CLCN5: variants seen among roughly 807,000 people sequenced by gnomAD.
CLCN5 encodes Cl-/H+ antiporter 5.
Under a neutral mutation model 54.0 loss-of-function variants are expected in CLCN5, and 17 were observed. The ratio of observed to expected loss-of-function variants is 0.31; its 90% CI spans 0.22 to 0.47. The LOEUF is 0.47. Among genes scored for constraint, CLCN5 ranks in the 20% least tolerant of loss-of-function variants. CLCN5 has a pLI of 1.00. For synonymous variants in CLCN5, 222 were observed against 233.0 expected, an observed-to-expected ratio of 0.95 and a Z score of 0.43; for missense variants, 448 against 646.7, an observed-to-expected ratio of 0.69 and a Z score of 3.33.
chrX:50,079,940 A>G (rs1046565432), intron 7 of CLCN5, among the ~76,000 whole-genome samples: 14 of 111,759 alleles, frequency 1.3e-4, no homozygotes, highest in African/African-American at 4.6e-4. Flanking sequence ...CTTACCACAC[A>G]TACAAAGAAA....
chrX:50,017,965 G>A (rs782369329), intron 3 of CLCN5, among the ~76,000 whole-genome samples: 1 of 111,393 alleles, frequency 9.0e-6, no homozygotes, highest in East Asian at 2.8e-4. Flanking sequence ...TGGGTCATTT[G>A]TCTCTCTGGC....
intron 3 of CLCN5, among the ~76,000 whole-genome samples, chrX:50,033,146 T>C (rs1435133451): frequency 1.6e-4 from 18 of 111,127 alleles, no homozygotes; most frequent in African/African-American, 5.9e-4. Flanking sequence ...CTATTCAACA[T>C]AGTGTTGGAA....
chrX:50,067,308 C>T (rs782722057), intron 4 of CLCN5, among the ~76,000 whole-genome samples: 1 of 111,318 alleles, frequency 9.0e-6, no homozygotes, highest in East Asian at 2.8e-4. Flanking sequence ...ATTTGCCTTT[C>T]TCCCTTTTAT....
chrX:50,057,168 G>A (rs1479828048), intron 4 of CLCN5, among the ~76,000 whole-genome samples: 4 of 110,224 alleles, frequency 3.6e-5, no homozygotes, highest in East Asian at 2.9e-4. Flanking sequence ...TATTCCAGCC[G>A]CTGGATCATG....
chrX:49,956,127 T>C (rs1194682669), intron 3 of CLCN5, among the ~76,000 whole-genome samples: 6 of 111,925 alleles, frequency 5.4e-5, no homozygotes, highest in Non-Finnish European at 1.9e-5. Flanking sequence ...TCCAGAAGGG[T>C]TCCACACTGG....
At chrX:49,986,334 A>G (rs1569538001) in intron 3 of CLCN5, among the ~76,000 whole-genome samples, 1 of 111,560 alleles carries the variant, frequency 9.0e-6, no homozygotes, top group Non-Finnish European at 1.9e-5. Context: ...AATCCTTGTT[A>G]TTCTTCCAGA....
At chrX:49,958,002 G>C (rs782337483) in intron 3 of CLCN5, among the ~76,000 whole-genome samples, 1 of 110,557 alleles carries the variant, frequency 9.0e-6, no homozygotes, top group East Asian at 2.9e-4. Context: ...AGAAAGAAAT[G>C]AGAGAGGCTC....
At chrX:50,068,086 A>G (rs1318504330) in intron 4 of CLCN5, 1 of 111,964 alleles carries the variant, frequency 8.9e-6, no homozygotes, top group Non-Finnish European at 1.9e-5. Context: ...CAGTTTCACA[A>G]AATCCTATTT....
intron 3 of CLCN5, among the ~76,000 whole-genome samples, chrX:49,996,569 C>T (rs1405215330): frequency 8.9e-6 from 1 of 112,485 alleles, no homozygotes; most frequent in African/African-American, 3.2e-5. Context: ...GACTTGTTAT[C>T]TTCTTTTAAA....
chrX:50,041,548 G>A (rs894969442), intron 3 of CLCN5, among the ~76,000 whole-genome samples: 6 of 110,420 alleles, frequency 5.4e-5, no homozygotes, highest in South Asian at 3.9e-4. Flanking sequence ...GTATTAAGAC[G>A]TCTGGGAGAG....
At chrX:50,006,776 G>A (rs781915560) in intron 3 of CLCN5, among the ~76,000 whole-genome samples, 67 of 111,273 alleles carry the variant, frequency 6.0e-4, no homozygotes, top group African/African-American at 2.1e-3. Context: ...CTTGTACATC[G>A]CCTACCTCTC....
At position 50,063,304 on chromosome X, in the gene CLCN5, C is replaced by T. The variant is rs1454980354; in HGVS notation, c.164-6575C>T. On this transcript the variant is annotated intron_variant, in intron 4 of 14. Transcript: ENST00000376091. The stretch of plus-strand genomic sequence containing the variant: ...AAAAGAGAGAAGAATCAAATAGACA[C>T]AATAAAAAATGATAAAGGGGATATC... 3.1e-5 allele frequency among the ~76,000 whole-genome samples: 3 copies of T among 96,805 alleles called. No individual in the cohort carries two copies. The Admixed American group carries it at 3.2e-4, about 10-fold the overall frequency. The allele number at this position is 96,805 out of a possible 115,157, so 84.1% of individuals were successfully genotyped here.
chrX:50,077,711 G>A (rs931621217), intron 7 of CLCN5, among the ~76,000 whole-genome samples: 12 of 98,379 alleles, frequency 1.2e-4, no homozygotes, highest in African/African-American at 4.1e-4. Context: ...GCCAGGCGCG[G>A]TGGCCTGTAA....
At chrX:50,006,389 G>A (rs928091189) in intron 3 of CLCN5, among the ~76,000 whole-genome samples, 4 of 111,932 alleles carry the variant, frequency 3.6e-5, no homozygotes, top group African/African-American at 1.3e-4. Flanking sequence ...CTCACAGATG[G>A]TATGTTATGC....
intron 4 of CLCN5, among the ~76,000 whole-genome samples, chrX:50,048,521 A>G (rs782240009): frequency 1.8e-5 from 2 of 112,790 alleles, no homozygotes; most frequent in African/African-American, 6.4e-5. Context: ...TTATATCAGT[A>G]TGGACTCATT....
intron 3 of CLCN5, among the ~76,000 whole-genome samples, chrX:49,993,064 T>C (rs781800930): frequency 4.5e-5 from 5 of 111,563 alleles, no homozygotes; most frequent in Non-Finnish European, 9.4e-5. Context: ...TCCTGTGAAC[T>C]TCTGGCATTA....
At chrX:49,944,447 T>G (rs1557171593) in intron 3 of CLCN5, among the ~76,000 whole-genome samples, 3 of 111,656 alleles carry the variant, frequency 2.7e-5, no homozygotes, top group Non-Finnish European at 5.6e-5. Context: ...CTATGTTGAA[T>G]AGGAGTGGTG....
rs1451157443 is a variant in CLCN5 at position 50,021,240 on chromosome X, G to A, written c.17-21076G>A. Among the ~76,000 whole-genome samples, 3 of 97,391 alleles carry A rather than the reference G, an allele frequency of 3.1e-5. 1 individual carries two copies. Among genetic ancestry groups the A allele is most frequent in the African/African-American group, 1.4e-4 (3 of 20,704 alleles). The allele number at this position is 97,391 out of a possible 115,157, so 84.6% of individuals were successfully genotyped here. ...CTATTTTATTCTCTTTGAAGCAATT[G>A]TGAATGGGAGTTCACCCATGATTTG... On this transcript the variant is annotated intron_variant, in intron 3 of 14. Coordinates refer to ENST00000376091, the MANE Select transcript of CLCN5 (RefSeq NM_001127898.4).
In CLCN5 at chrX:49,927,479, G is replaced by A. The variant is rs1031605317; in HGVS notation, c.16+2165G>A. 8.9e-5 allele frequency among the ~76,000 whole-genome samples: 10 copies of A among 111,977 alleles called. 1 individual carries two copies. The highest frequency in any genetic ancestry group is 8.5e-4 in the Admixed American group (9 of 10,569). ...GCTAACCTCTGAAGTAACCAGCAAA[G>A]TACGATGATAGTTTGGAAGCAGTGT... On this transcript the variant is annotated intron_variant, in intron 3 of 14. Transcript: ENST00000376091.
Sources: gnomAD v4.1 joint callset for allele counts (sites outside exome capture counted in the v4.1 genomes callset) on GRCh38, gnomAD v4.1.1 for gene constraint, MANE v1.5 for transcripts, NCBI Gene and HGNC (gene_info 2026-07-23, HGNC 2026-07-21) for gene names.